TTC39A: variants seen among roughly 807,000 people sequenced by gnomAD.
The protein encoded by TTC39A is tetratricopeptide repeat protein 39A.
Under a neutral mutation model 82.3 loss-of-function variants are expected in TTC39A, and 46 were observed. The ratio of observed to expected loss-of-function variants is 0.56; its 90% confidence interval spans 0.44 to 0.71. TTC39A has a LOEUF of 0.71. Ranked by LOEUF, TTC39A falls within the 30% of genes least tolerant of loss-of-function variation. The pLI is 0.00. For missense variants in TTC39A, 543 were observed against 712.9 expected (o/e 0.76, Z 2.71); for synonymous variants, 254 against 275.2 (o/e 0.92, Z 0.76).
In TTC39A at chr1:51,330,259, C is replaced by T. The variant is rs1261865175; in HGVS notation, c.41+178G>A. ...CCCCGCGCCTCCGCCTCCTCACAGCCCCCTGCCCCCACTCCTGGCAGCGGC... is the reference window on the plus strand; with the variant it reads ...CCCCGCGCCTCCGCCTCCTCACAGCTCCCTGCCCCCACTCCTGGCAGCGGC... On this transcript the variant is annotated intron_variant, in intron 1 of 17. Coordinates refer to ENST00000680483, the MANE Select transcript of TTC39A (RefSeq NM_001297663.2). This position sits in a 1 kb window ranked among gnomAD's most constrained non-coding sequence, Gnocchi z 4.5. 5.2e-6 allele frequency: 5 copies of T among 969,392 alleles called. No homozygotes were observed. The highest frequency in any genetic ancestry group is 6.1e-6 in the Non-Finnish European group (5 of 815,556). 60.0% of individuals were successfully genotyped at this position (969,392 alleles called of 1,614,324 possible). A position where few individuals can be genotyped will look rare whatever the true frequency, so the allele number is the denominator to read the frequency against.
chr1:51,317,677 G>GAGGT (rs1477098121), intron 2 of TTC39A, among the ~76,000 whole-genome samples: 1 of 151,222 alleles, frequency 6.6e-6, no homozygotes, highest in Admixed American at 6.6e-5. Flanking sequence ...TTGAACCCAG[G>GAGGT]AGGTGGAGGT....
At chr1:51,331,103 G>C, upstream of TTC39A, 3 of 1,215,322 alleles carry the variant, frequency 2.5e-6, no homozygotes, top group Non-Finnish European at 3.6e-6. Flanking sequence ...CTATTTTACA[G>C]ATGGGGAAAC....
upstream of TTC39A, among the ~76,000 whole-genome samples, chr1:51,333,810 G>C (rs1375625530): frequency 6.6e-6 from 1 of 152,188 alleles, no homozygotes; most frequent in East Asian, 1.9e-4. Context: ...CTGTGTCTCA[G>C]GGCCTGACAT....
rs190460966 is a variant in TTC39A at position 51,330,546 on chromosome 1, C to A, written c.-69G>T. The stretch of plus-strand genomic sequence containing the variant: ...GCGGCCCAGGTGCTGCCGCCGCAAC[C>A]CCGAGCCGGGCGCTGTGCGGTCGCG... On this transcript the variant is annotated 5_prime_UTR_variant, in exon 1 of 18. Coordinates refer to ENST00000680483, the MANE Select transcript of TTC39A (RefSeq NM_001297663.2). The surrounding 1 kb of genome is among the most constrained non-coding windows in gnomAD (Gnocchi z 4.5). 51,158 of 983,602 alleles carry A rather than the reference C, an allele frequency of 0.052. 1,421 individuals carry two copies. Among genetic ancestry groups the A allele is most frequent in the East Asian group, 0.11 (934 of 8,804 alleles). The allele number at this position is 983,602 out of a possible 1,614,324, so 60.9% of individuals were successfully genotyped here.
At position 51,301,577 on chromosome 1, in the gene TTC39A, A is replaced by T. The variant is rs374090001; in HGVS notation, c.1048T>A (p.Ser350Thr). The stretch of plus-strand genomic sequence containing the variant: ...AACACGTGGCATCAGCCCACCTTGG[A>T]CCAGCAGTTCTCCTTGCTGAGCAGG... Reference protein sequence around the residue: ...ADLLSKENCWSKATYIYMKAA... With the variant: ...ADLLSKENCWTKATYIYMKAA... Residue 350 changes from serine (S) to threonine (T), a missense_variant, in exon 12 of 18, where the codon TCC (serine) becomes ACC (threonine). Transcript: ENST00000680483. The T allele has an allele frequency of 1.1e-5, 18 of 1,606,184 alleles. No homozygotes were observed. Among genetic ancestry groups the T allele is most frequent in the Non-Finnish European group, 1.5e-5 (18 of 1,175,516 alleles).
At chr1:51,331,402 C>G, upstream of TTC39A, 1 of 1,457,432 alleles carries the variant, frequency 6.9e-7, no homozygotes, top group East Asian at 2.5e-5. Context: ...GCCCCAGATG[C>G]TGCTCTTAAC....
In TTC39A at chr1:51,343,221, T is replaced by G; in HGVS notation, c.53+1770A>C. On this transcript the variant is annotated intron_variant, in intron 1 of 5. Transcript: ENST00000401051. ...TGGGGACAAATGAGCCCTGTCTCCT[T>G]TCCATAAGTAGTGGAGAAACAGAAA... The G allele has an allele frequency of 1.1e-5, 4 of 361,060 alleles. 1 individual carries two copies. Among genetic ancestry groups the G allele is most frequent in the South Asian group, 8.0e-5 (4 of 49,706 alleles). The allele number at this position is 361,060 out of a possible 1,614,324, so 22.4% of individuals were successfully genotyped here.
chr1:51,336,910 C>A (rs1645981307), intron 1 of TTC39A, among the ~76,000 whole-genome samples: 1 of 152,180 alleles, frequency 6.6e-6, no homozygotes, highest in Admixed American at 6.5e-5. Flanking sequence ...GTAATCCCAG[C>A]ACTTTGAGAG....
At chr1:51,298,579 C>T (rs1417576994) in intron 12 of TTC39A, 1 of 152,354 alleles carries the variant, frequency 6.6e-6, no homozygotes, top group Non-Finnish European at 1.5e-5. Flanking sequence ...TGTGGACGCC[C>T]CAGCTCTCCA....
At chr1:51,340,349 G>C (rs1370907347) in intron 1 of TTC39A, among the ~76,000 whole-genome samples, 1 of 152,182 alleles carries the variant, frequency 6.6e-6, no homozygotes, top group Non-Finnish European at 1.5e-5. Context: ...CCCCGAGAGG[G>C]TCCATGAGGG....
chr1:51,312,129 T>A lies in TTC39A; in HGVS notation c.345A>T (p.Gln115His). The stretch of plus-strand genomic sequence containing the variant: ...TCCTGGATGCCACACCTTCAGTGAA[T>A]TGGCCCAGCGTGGGGCGGTTCACCA... ...SSLVNRPTLG[Q>H]FTEEEIHAEV... Residue 115 changes from glutamine to histidine, a missense_variant, in exon 4 of 18, where the codon CAA (glutamine) becomes CAT (histidine). Transcript: ENST00000680483. 6.2e-7 allele frequency: 1 copy of A among 1,611,502 alleles called. No homozygotes were observed. The highest frequency in any genetic ancestry group is 8.5e-7 in the Non-Finnish European group (1 of 1,178,984).
chr1:51,330,583 C>A, upstream of TTC39A: 1 of 980,996 alleles, frequency 1.0e-6, no homozygotes, highest in Non-Finnish European at 1.2e-6. This position sits in a 1 kb window ranked among gnomAD's most constrained non-coding sequence, Gnocchi z 4.5. Flanking sequence ...ACGCGGCGGC[C>A]GGGGAGGGGC....
At chr1:51,290,916 C>T (rs1644187302) in intron 14 of TTC39A, among the ~76,000 whole-genome samples, 1 of 152,212 alleles carries the variant, frequency 6.6e-6, no homozygotes, top group African/African-American at 2.4e-5. Context: ...TTTTCCTGCT[C>T]ATGCCCTCCC....
chr1:51,301,487 G>T, intron 12 of TTC39A, 85 bp downstream of exon 12: 1 of 1,464,470 alleles, frequency 6.8e-7, no homozygotes, highest in Non-Finnish European at 9.2e-7. Flanking sequence ...AGACATCTGT[G>T]TTCAGTTAGG....
chr1:51,323,694 A>G (rs145361392), intron 1 of TTC39A, among the ~76,000 whole-genome samples: 1 of 152,224 alleles, frequency 6.6e-6, no homozygotes, highest in African/African-American at 2.4e-5. Flanking sequence ...TTTCATTTCA[A>G]TGATTATATT....
chr1:51,333,460 C>T (rs1057462760), upstream of TTC39A, among the ~76,000 whole-genome samples: 1 of 152,206 alleles, frequency 6.6e-6, no homozygotes, highest in African/African-American at 2.4e-5. Flanking sequence ...TTGGCAGGGG[C>T]CAGGTAAGTG....
intron 6 of TTC39A, among the ~76,000 whole-genome samples, chr1:51,306,938 G>A (rs1288095221): frequency 6.7e-6 from 1 of 148,554 alleles, no homozygotes; most frequent in African/African-American, 2.5e-5. Flanking sequence ...GACTTAGTCT[G>A]GGGATAGGAA....
rs995366991 is a variant in TTC39A, at chr1:51,321,801, C to G, written c.66G>C (p.Glu22Asp). 1.9e-6 allele frequency: 3 copies of G among 1,613,684 alleles called. No individual in the cohort carries two copies. In the African/African-American group the frequency reaches 4.0e-5, roughly 22 times the overall value. ...GGGCGGTCATGCACTGGTCCAGGGC[C>G]TCATGGAGGCTGCTCTCAGGAGTCC... ...PAGTPESSLHEALDQCMTALD... is the reference protein window; with the variant it reads ...PAGTPESSLHDALDQCMTALD... The change falls in exon 2 of 18, where the codon GAG becomes GAC. Residue 22 changes from glutamate (E) to aspartate (D), a missense_variant. By Grantham distance (45) the Glu-to-Asp change is conservative. Coordinates refer to ENST00000680483, the MANE Select transcript of TTC39A (RefSeq NM_001297663.2). The surrounding 1 kb of genome is among the most constrained non-coding windows in gnomAD (Gnocchi z 4.6).
intron 2 of TTC39A, among the ~76,000 whole-genome samples, chr1:51,316,429 T>G (rs1485815611): frequency 6.6e-6 from 1 of 152,196 alleles, no homozygotes; most frequent in East Asian, 1.9e-4. Flanking sequence ...CTTAGCCTAG[T>G]GTCCTCATAC....
Sources: allele counts gnomAD v4.1 joint callset (sites outside exome capture counted in the v4.1 genomes callset), GRCh38; gene constraint gnomAD v4.1.1; non-coding constraint Gnocchi (gnomAD v3.1); transcripts MANE v1.5; gene names NCBI Gene and HGNC (gene_info 2026-07-23, HGNC 2026-07-21).